Variants in PTPN11 observed in about 807,000 individuals in gnomAD.
PTPN11 encodes the protein protein tyrosine phosphatase non-receptor type 11, also known as tyrosine-protein phosphatase non-receptor type 11.
PTPN11 carries 6 observed loss-of-function variants against 78.8 expected under a neutral mutation model. The ratio of observed to expected loss-of-function variants is 0.08; its 90% confidence interval spans 0.04 to 0.15. The LOEUF is 0.15. Ranked by LOEUF, PTPN11 falls within the 10% of genes least tolerant of loss-of-function variation. The probability of loss-of-function intolerance (pLI) is 1.00; values close to 1 mark genes in which losing one functional copy is unlikely to be tolerated. For missense variants in PTPN11, 386 were observed against 744.8 expected (o/e 0.52, Z 5.61); for synonymous variants, 221 against 263.5 (o/e 0.84, Z 1.56).
intron 6 of PTPN11, among the ~76,000 whole-genome samples, chr12:112,456,609 G>T (rs1014784502): frequency 2.8e-4 from 43 of 152,160 alleles, no homozygotes; most frequent in African/African-American, 1.0e-3. Context: ...ACAGGCACAT[G>T]CCCCTATGCC....
chr12:112,503,261 C>T (rs199961268), intron 14 of PTPN11, among the ~76,000 whole-genome samples: 23 of 152,146 alleles, frequency 1.5e-4, no homozygotes, highest in East Asian at 5.8e-4. Context: ...GTTGAAAACA[C>T]GGTAGGAAAG....
chr12:112,439,801 A>C (rs937243254), intron 1 of PTPN11, among the ~76,000 whole-genome samples: 2 of 150,050 alleles, frequency 1.3e-5, no homozygotes, highest in African/African-American at 4.9e-5. Context: ...AAAAACAAAA[A>C]CAAAAAAAAA....
intron 6 of PTPN11, among the ~76,000 whole-genome samples, chr12:112,459,410 C>T (rs562266793): frequency 1.3e-5 from 2 of 152,070 alleles, no homozygotes; most frequent in African/African-American, 4.8e-5. Flanking sequence ...CTTCCCCAGC[C>T]CTGACTTGTC....
Position 112,509,603 on chromosome 12 carries a change from AT to A in PTPN11, c.*3815del, listed in dbSNP as rs2038977944. The A allele has an allele frequency of 6.6e-6, 1 of 152,648 alleles. No homozygotes were observed. Among genetic ancestry groups the A allele is most frequent in the Non-Finnish European group, 1.5e-5 (1 of 68,046 alleles). The allele number at this position is 152,648 out of a possible 1,614,324, so 9.5% of individuals were successfully genotyped here. On this transcript the variant is annotated 3_prime_UTR_variant, in exon 16 of 16. Coordinates refer to ENST00000351677, the MANE Select transcript of PTPN11 (RefSeq NM_002834.5). ...AAGGAATACGTTTTAGGATGTCATC[AT>A]TTTGATGTGAATCATGTAAATGTTG... is the stretch of plus-strand genomic sequence containing the variant.
rs2038106350 is a variant in PTPN11 at position 112,453,386 on chromosome 12, A to C, written c.524A>C (p.Gln175Pro). 1 of 1,613,898 alleles carries C rather than the reference A, an allele frequency of 6.2e-7. No individual in the cohort carries two copies. Among genetic ancestry groups the C allele is most frequent in the Admixed American group, 1.7e-5 (1 of 59,998 alleles). The change falls in exon 4 of 16, where the codon CAG (glutamine) becomes CCG (proline). Residue 175 changes from glutamine to proline, a missense_variant and splice_region_variant. Physicochemically the swap from Gln to Pro is moderately conservative, Grantham distance 76. This residue lies in a region of PTPN11 where 279 missense variants were observed against 503.3 expected (regional missense o/e 0.55). Transcript: ENST00000351677. ...GTGACCCATGTTATGATTCGCTGTCAGGTAAATCTCCAGTTGAAAAATGGG... is the reference window on the plus strand; with the variant it reads ...GTGACCCATGTTATGATTCGCTGTCCGGTAAATCTCCAGTTGAAAAATGGG... ...SKVTHVMIRC[Q>P]ELKYDVGGGE...
intron 12 of PTPN11, among the ~76,000 whole-genome samples, 179 bp from the exon 13 acceptor site, chr12:112,488,845 A>G (rs1238000151): frequency 6.6e-6 from 1 of 152,210 alleles, no homozygotes; most frequent in East Asian, 1.9e-4. Context: ...TTATTTATGT[A>G]GTCTTCTGGG....
intron 1 of PTPN11, among the ~76,000 whole-genome samples, chr12:112,422,730 A>G (rs1000839657): frequency 9.9e-5 from 15 of 152,120 alleles, no homozygotes; most frequent in African/African-American, 3.6e-4. Flanking sequence ...TTAGGTCCTG[A>G]TGTAAGGCCA....
rs753741561 is a variant in PTPN11, at chr12:112,502,215, G to C, written c.1671G>C (p.Gln557His). The C allele has an allele frequency of 1.2e-6, 2 of 1,613,918 alleles. No homozygotes were observed. The highest frequency in any genetic ancestry group is 1.7e-6 in the Non-Finnish European group (2 of 1,179,830). ...TAGCGGACCAGACGAGTGGAGATCA[G>C]AGCCCTCTCCCGCCTTGTACTCCAA... is the stretch of plus-strand genomic sequence containing the variant. Reference protein sequence around the residue: ...YSLADQTSGDQSPLPPCTPTP... With the variant: ...YSLADQTSGDHSPLPPCTPTP... Residue 557 changes from glutamine to histidine, a missense_variant, in exon 14 of 16, where the codon CAG becomes CAC. By Grantham distance (24) the Gln-to-His change is conservative. This residue lies in a region of PTPN11 where 44 missense variants were observed against 59.3 expected (regional missense o/e 0.74). Coordinates refer to ENST00000351677, the MANE Select transcript of PTPN11 (RefSeq NM_002834.5).
intron 1 of PTPN11, among the ~76,000 whole-genome samples, chr12:112,433,070 A>T (rs1453023512): frequency 2.6e-5 from 4 of 152,274 alleles, no homozygotes; most frequent in Admixed American, 2.6e-4. Flanking sequence ...CATGTTGGCC[A>T]GGCTGGTCTT....
chr12:112,497,364 A>G (rs2038826673), intron 13 of PTPN11, among the ~76,000 whole-genome samples: 1 of 152,038 alleles, frequency 6.6e-6, no homozygotes, highest in South Asian at 2.1e-4. Flanking sequence ...TCCTTTGAGA[A>G]ATATTTGAGT....
intron 13 of PTPN11, among the ~76,000 whole-genome samples, chr12:112,492,788 A>G (rs2038765808): frequency 1.3e-5 from 2 of 152,266 alleles, no homozygotes; most frequent in African/African-American, 4.8e-5. Context: ...AAGTGCTGGG[A>G]TTACAGATGT....
chr12:112,489,301 T>C, intron 13 of PTPN11, 126 bp downstream of exon 13: 1 of 1,163,020 alleles, frequency 8.6e-7, no homozygotes, highest in Admixed American at 1.8e-5. Context: ...GGAAACAAAC[T>C]CCCAACTAAA....
chr12:112,456,107 A>G lies in PTPN11; in HGVS notation c.756+44A>G, dbSNP rs374509828. 17 of 1,254,336 alleles carry G rather than the reference A, an allele frequency of 1.4e-5. 1 individual carries two copies. The highest frequency in any genetic ancestry group is 1.2e-4 in the African/African-American group (8 of 67,486). The allele number at this position is 1,254,336 out of a possible 1,614,324, so 77.7% of individuals were successfully genotyped here. ...GTTTTTACGTGAGTTGTTATATCCT[A>G]TTTTTAGTGGAGGAGAAGTTGCTCT... On this transcript the variant is annotated intron_variant, in intron 6 of 15. Coordinates refer to ENST00000351677, the MANE Select transcript of PTPN11 (RefSeq NM_002834.5).
chr12:112,418,967 C>T lies in PTPN11; in HGVS notation c.-145C>T. The T allele has an allele frequency of 3.0e-6, 3 of 988,710 alleles. No individual in the cohort carries two copies. Among genetic ancestry groups the T allele is most frequent in the Non-Finnish European group, 4.5e-6 (3 of 661,558 alleles). 61.2% of individuals were successfully genotyped at this position (988,710 alleles called of 1,614,324 possible). A position where few individuals can be genotyped will look rare whatever the true frequency, so the allele number is the denominator to read the frequency against. On this transcript the variant is annotated 5_prime_UTR_variant, in exon 1 of 16. Transcript: ENST00000351677. Reference sequence around the variant, plus strand: ...TGCACAGTCTCCGGGATCCCCAGGCCTGGAGGGGGGTCTGTGCGCGGCCGG... The same window carrying T: ...TGCACAGTCTCCGGGATCCCCAGGCTTGGAGGGGGGTCTGTGCGCGGCCGG...
At chr12:112,489,920 A>C (rs1018519259) in intron 13 of PTPN11, among the ~76,000 whole-genome samples, 36 of 152,188 alleles carry the variant, frequency 2.4e-4, no homozygotes, top group African/African-American at 8.0e-4. Flanking sequence ...ACCTGCCACC[A>C]GTATTTGAAA....
Position 112,446,259 on chromosome 12 carries a change from TTGTC to T in PTPN11, c.15-15_15-12del. 5 of 1,613,766 alleles carry T rather than the reference TTGTC, an allele frequency of 3.1e-6. No individual in the cohort carries two copies. The highest frequency in any genetic ancestry group is 4.2e-6 in the Non-Finnish European group (5 of 1,179,742). Reference sequence around the variant, plus strand: ...GTGTCTTGTTTTTTTATTACTTACTTTGTCTTTCTTTTTAAGATGGTTTCACCCA... The same window carrying T: ...GTGTCTTGTTTTTTTATTACTTACTTTTTCTTTTTAAGATGGTTTCACCCA... On this transcript the variant is annotated splice_polypyrimidine_tract_variant and intron_variant, in intron 1 of 15. Transcript: ENST00000351677.
chr12:112,488,672 C>T (rs781243273), intron 12 of PTPN11, among the ~76,000 whole-genome samples, 162 bp downstream of exon 12: 5 of 152,192 alleles, frequency 3.3e-5, no homozygotes, highest in Non-Finnish European at 7.3e-5. Flanking sequence ...AGAAGTGACA[C>T]TATTTGAGCT....
intron 13 of PTPN11, among the ~76,000 whole-genome samples, chr12:112,500,191 C>T (rs1013779072): frequency 7.9e-5 from 12 of 151,642 alleles, no homozygotes; most frequent in Non-Finnish European, 1.8e-4. Context: ...TACAGTGAGC[C>T]GAGATCACAC....
At chr12:112,455,896 C>T in intron 5 of PTPN11, 54 bp from the exon 6 acceptor site, 3 of 696,806 alleles carry the variant, frequency 4.3e-6, no homozygotes, top group Non-Finnish European at 7.3e-6. Context: ...TTTGCATTAA[C>T]ACCGTTTTCT....
Sources: allele counts gnomAD v4.1 joint callset (sites outside exome capture counted in the v4.1 genomes callset), GRCh38; gene constraint gnomAD v4.1.1; regional missense constraint gnomAD v4.1.1; transcripts MANE v1.5; gene names NCBI Gene and HGNC (gene_info 2026-07-23, HGNC 2026-07-21).